The following THSD7B variants were observed in gnomAD, a reference collection of about 807,000 sequenced individuals.
THSD7B encodes the protein thrombospondin type 1 domain containing 7B, also known as thrombospondin type-1 domain-containing protein 7B.
Under a neutral mutation model 213.6 loss-of-function variants are expected in THSD7B, and 138 were observed. That is an observed-to-expected ratio of 0.65 (90% CI 0.56 to 0.74). THSD7B has a LOEUF of 0.74. THSD7B is among the 30% of genes least tolerant of loss of function. THSD7B has a pLI of 0.00. For missense variants in THSD7B, 1,931 were observed against 1,991.5 expected (o/e 0.97, Z 0.58); for synonymous variants, 742 against 687.0 (o/e 1.08, Z -1.25).
intron 16 of THSD7B, 73 bp from the exon 17 acceptor site, chr2:137,572,333 T>C: frequency 2.0e-6 from 3 of 1,522,156 alleles, no homozygotes; most frequent in Non-Finnish European, 2.7e-6. Context: ...GTTACTATGA[T>C]ACATCATAAC....
chr2:137,310,116 C>A (rs1385076763), intron 12 of THSD7B, among the ~76,000 whole-genome samples: 1 of 151,952 alleles, frequency 6.6e-6, no homozygotes, highest in East Asian at 1.9e-4. Context: ...AGTTTACAGT[C>A]CCACCAACAG....
At chr2:137,285,275 A>G (rs572943176) in intron 12 of THSD7B, among the ~76,000 whole-genome samples, 1 of 151,962 alleles carries the variant, frequency 6.6e-6, no homozygotes, top group South Asian at 2.1e-4. Flanking sequence ...CCATCCCTGT[A>G]TTTTGAGCCT....
intron 2 of THSD7B, among the ~76,000 whole-genome samples, chr2:136,972,600 T>A (rs1573742259): frequency 6.6e-6 from 1 of 152,158 alleles, no homozygotes; most frequent in African/African-American, 2.4e-5. Flanking sequence ...TGAAATGTAT[T>A]TAGGTTGTTG....
intron 15 of THSD7B, among the ~76,000 whole-genome samples, chr2:137,464,083 G>A (rs938149201): frequency 3.9e-5 from 6 of 152,106 alleles, no homozygotes; most frequent in East Asian, 1.9e-4. Context: ...CATGCCAGCC[G>A]GACCCTGAAT....
chr2:137,012,644 G>A (rs1686252804), intron 2 of THSD7B, among the ~76,000 whole-genome samples: 1 of 152,138 alleles, frequency 6.6e-6, no homozygotes, highest in Non-Finnish European at 1.5e-5. Context: ...TTGAATGTTG[G>A]AGAACCAAAC....
At chr2:137,175,194 C>A (rs1042823249) in intron 7 of THSD7B, among the ~76,000 whole-genome samples, 4 of 150,860 alleles carry the variant, frequency 2.7e-5, no homozygotes, top group Admixed American at 1.3e-4. Context: ...TGGATAAACA[C>A]CTGTCTGCCT....
At chr2:137,611,659 C>A (rs1441345959) in intron 17 of THSD7B, among the ~76,000 whole-genome samples, 2 of 151,908 alleles carry the variant, frequency 1.3e-5, no homozygotes, top group Non-Finnish European at 2.9e-5. Flanking sequence ...AACAAACAAA[C>A]AAAAAAACAC....
intron 17 of THSD7B, among the ~76,000 whole-genome samples, chr2:137,605,089 T>C (rs1324356622): frequency 6.6e-6 from 1 of 152,214 alleles, no homozygotes; most frequent in Admixed American, 6.5e-5. Flanking sequence ...TCCCAGATTC[T>C]GTTCACATTT....
intron 15 of THSD7B, among the ~76,000 whole-genome samples, chr2:137,463,300 T>C (rs1038727191): frequency 5.3e-5 from 8 of 152,158 alleles, no homozygotes; most frequent in African/African-American, 9.6e-5. Context: ...ATTGAACTTA[T>C]AATTGGTCCA....
intron 15 of THSD7B, among the ~76,000 whole-genome samples, chr2:137,482,636 CA>C (rs1178141818): frequency 1.3e-5 from 2 of 151,846 alleles, no homozygotes; most frequent in Non-Finnish European, 2.9e-5. Flanking sequence ...GGCCATCTGG[CA>C]GTAGCTTTCC....
chr2:137,570,648 G>T (rs1681336339), intron 16 of THSD7B, among the ~76,000 whole-genome samples: 1 of 152,110 alleles, frequency 6.6e-6, no homozygotes, highest in Non-Finnish European at 1.5e-5. Context: ...TTATTAAAGT[G>T]CTTATTTCTT....
chr2:137,447,605 G>A (rs1459217764), intron 14 of THSD7B, among the ~76,000 whole-genome samples: 2 of 151,886 alleles, frequency 1.3e-5, no homozygotes, highest in Non-Finnish European at 2.9e-5. Context: ...TTAAAATTAT[G>A]TTAGAGGATT....
chr2:136,905,824 ACAGT>A (rs977679986), intron 2 of THSD7B, among the ~76,000 whole-genome samples: 1 of 152,226 alleles, frequency 6.6e-6, no homozygotes, highest in African/African-American at 2.4e-5. Context: ...AACTCCAGGG[ACAGT>A]CAGATCGAAA....
rs192320944 is a variant in THSD7B at position 136,945,191 on chromosome 2, C to A, written c.139+62874C>A. 2.0e-5 allele frequency among the ~76,000 whole-genome samples: 3 copies of A among 152,278 alleles called. No individual in the cohort carries two copies. The East Asian group carries it at 5.8e-4, about 29-fold the overall frequency. ...ATGAAATTCTGGGTTGAAAATGATT[C>A]TCCTGAAGAATGTTGAATATTGGCC... On this transcript the variant is annotated intron_variant, in intron 2 of 27. Coordinates refer to ENST00000409968, the MANE Select transcript of THSD7B (RefSeq NM_001316349.2).
intron 2 of THSD7B, among the ~76,000 whole-genome samples, chr2:137,015,127 C>A (rs887589338): frequency 1.3e-5 from 2 of 152,158 alleles, no homozygotes; most frequent in African/African-American, 2.4e-5. Context: ...ACTATAGACT[C>A]CCAGGGGGCA....
intron 7 of THSD7B, among the ~76,000 whole-genome samples, chr2:137,192,568 G>A (rs114118492): frequency 0.012 from 1,829 of 152,198 alleles, 29 homozygotes; most frequent in African/African-American, 0.042. Context: ...TTGAAAGCAG[G>A]AAAGCAATGG....
At chr2:137,432,146 A>C (rs1168931317) in intron 14 of THSD7B, among the ~76,000 whole-genome samples, 1 of 152,224 alleles carries the variant, frequency 6.6e-6, no homozygotes, top group Non-Finnish European at 1.5e-5. Context: ...TAATCCCAGC[A>C]CTTTGGGAGG....
At chr2:137,370,039 G>C (rs1052394104) in intron 12 of THSD7B, among the ~76,000 whole-genome samples, 7 of 152,000 alleles carry the variant, frequency 4.6e-5, no homozygotes, top group African/African-American at 1.7e-4. Context: ...AATAATAGGT[G>C]GACTATCTGG....
intron 17 of THSD7B, among the ~76,000 whole-genome samples, chr2:137,575,567 T>G (rs982123585): frequency 3.3e-5 from 5 of 151,986 alleles, no homozygotes; most frequent in African/African-American, 1.2e-4. Context: ...ACAAAGGCAT[T>G]AAAAATTGTA....
Sources: gnomAD v4.1 joint callset for allele counts (sites outside exome capture counted in the v4.1 genomes callset) on GRCh38, gnomAD v4.1.1 for gene constraint, MANE v1.5 for transcripts, NCBI Gene and HGNC (gene_info 2026-07-23, HGNC 2026-07-21) for gene names.